The following ME1 variants were observed in gnomAD, a reference collection of about 807,000 sequenced individuals.
ME1 encodes malic enzyme 1.
Under a neutral mutation model 66.4 loss-of-function variants are expected in ME1, and 74 were observed. The observed-to-expected ratio is 1.11, with a 90% CI of 0.92 to 1.35. ME1 has a LOEUF of 1.35. Among genes scored for constraint, ME1 ranks in the 40% most tolerant of loss-of-function variants. The pLI is 0.00. For synonymous variants in ME1, 251 were observed against 235.6 expected (o/e 1.07, Z -0.60); for missense variants, 750 against 694.1 (o/e 1.08, Z -0.90).
intron 6 of ME1, among the ~76,000 whole-genome samples, chr6:83,271,022 TAAA>T (rs574960807): frequency 4.2e-5 from 5 of 120,184 alleles, no homozygotes; most frequent in Non-Finnish European, 7.3e-5. Context: ...GGTGAAGGAG[TAAA>T]AAAAAAAAAA....
chr6:83,426,659 G>A (rs1770375532), intron 1 of ME1, among the ~76,000 whole-genome samples: 1 of 152,168 alleles, frequency 6.6e-6, no homozygotes, highest in Non-Finnish European at 1.5e-5. Flanking sequence ...GTCATGCCAG[G>A]AAACAAACAG....
intron 5 of ME1, among the ~76,000 whole-genome samples, chr6:83,323,049 C>A (rs1474597813): frequency 6.6e-6 from 1 of 152,096 alleles, no homozygotes; most frequent in Non-Finnish European, 1.5e-5. Context: ...CATATACAGC[C>A]AAGATAAGCT....
intron 6 of ME1, among the ~76,000 whole-genome samples, chr6:83,302,918 T>C (rs1767754431): frequency 6.6e-6 from 1 of 152,158 alleles, no homozygotes. Context: ...GGTAAGTTCC[T>C]GAATACTTAT....
chr6:83,431,004 G>A lies in ME1; in HGVS notation c.-50C>T, dbSNP rs1238558664. On this transcript the variant is annotated 5_prime_UTR_variant, in exon 1 of 14. Transcript: ENST00000369705. ...GGTCAGGCCGGGGCGGGCCGCACGCGCGGTGCAGGCGGCGGATGCTGCTGG... is the reference window on the plus strand; with the variant it reads ...GGTCAGGCCGGGGCGGGCCGCACGCACGGTGCAGGCGGCGGATGCTGCTGG... 1.6e-6 allele frequency: 2 copies of A among 1,219,812 alleles called. No individual in the cohort carries two copies. Among genetic ancestry groups the A allele is most frequent in the East Asian group, 6.0e-5 (2 of 33,360 alleles). 75.6% of individuals were successfully genotyped at this position (1,219,812 alleles called of 1,614,324 possible).
At position 83,211,994 on chromosome 6, in the gene ME1, T is replaced by A. The variant is rs776506743; in HGVS notation, c.1649A>T (p.Asp550Val). 4.3e-6 allele frequency: 7 copies of A among 1,611,734 alleles called. No individual in the cohort carries two copies. The highest frequency in any genetic ancestry group is 5.9e-6 in the Non-Finnish European group (7 of 1,178,640). Residue 550 changes from aspartate (D) to valine (V), a missense_variant, in exon 14 of 14, where the codon GAC (aspartate) becomes GTC (valine). Transcript: ENST00000369705. ...AGAATAACAATCAGGTAGAATCTGGTCATAATCAGTACTATACATCTGGGA... is the reference window on the plus strand; with the variant it reads ...AGAATAACAATCAGGTAGAATCTGGACATAATCAGTACTATACATCTGGGA... ...VRSQMYSTDY[D>V]QILPDCYSWP...
chr6:83,426,338 C>T (rs1770370317), intron 1 of ME1, among the ~76,000 whole-genome samples: 2 of 152,190 alleles, frequency 1.3e-5, no homozygotes, highest in African/African-American at 2.4e-5. Flanking sequence ...ACTCACCTTT[C>T]TTATTACAGC....
intron 3 of ME1, among the ~76,000 whole-genome samples, chr6:83,357,931 CTCTCTATATATATATATATA>C (rs1330944142): frequency 1.9e-5 from 1 of 51,758 alleles, no homozygotes; most frequent in African/African-American, 6.5e-5. Flanking sequence ...CTCTCTCTCT[CTCTCTATATATATATATATA>C]TATATATATA....
At chr6:83,254,088 C>A (rs1478035430) in intron 6 of ME1, among the ~76,000 whole-genome samples, 1 of 152,108 alleles carries the variant, frequency 6.6e-6, no homozygotes, top group Non-Finnish European at 1.5e-5. Flanking sequence ...GATATCACTT[C>A]TGGCTGTGAT....
At chr6:83,382,687 A>C (rs1210001369) in intron 3 of ME1, among the ~76,000 whole-genome samples, 1 of 152,086 alleles carries the variant, frequency 6.6e-6, no homozygotes, top group East Asian at 1.9e-4. Context: ...AAATCAGAAC[A>C]CATATTAATC....
chr6:83,415,218 TAGA>T (rs1770136262), intron 1 of ME1, among the ~76,000 whole-genome samples: 1 of 152,220 alleles, frequency 6.6e-6, no homozygotes, highest in African/African-American at 2.4e-5. Flanking sequence ...TTCAAGCTAA[TAGA>T]AGAATCTGCA....
intron 6 of ME1, among the ~76,000 whole-genome samples, chr6:83,268,779 A>G (rs1212469564): frequency 7.1e-6 from 1 of 141,376 alleles, no homozygotes; most frequent in Non-Finnish European, 1.5e-5. Flanking sequence ...TTTGGTAGAG[A>G]TGGGGTTTCA....
chr6:83,333,782 C>T (rs1376737407), intron 5 of ME1, among the ~76,000 whole-genome samples: 3 of 151,964 alleles, frequency 2.0e-5, no homozygotes, highest in Admixed American at 6.6e-5. Context: ...AAATTAAGGG[C>T]AAATTGAGTC....
intron 11 of ME1, among the ~76,000 whole-genome samples, chr6:83,226,407 G>C (rs1790199537): frequency 6.6e-6 from 1 of 152,112 alleles, no homozygotes; most frequent in South Asian, 2.1e-4. Context: ...ATGATGCTAA[G>C]ACTTGGTTGT....
At chr6:83,372,464 G>A (rs1452371337) in intron 3 of ME1, among the ~76,000 whole-genome samples, 1 of 152,160 alleles carries the variant, frequency 6.6e-6, no homozygotes, top group African/African-American at 2.4e-5. Flanking sequence ...AAGACCTAGT[G>A]TGGTTCTCCA....
At chr6:83,304,221 A>C (rs1054414034) in intron 6 of ME1, among the ~76,000 whole-genome samples, 11 of 152,074 alleles carry the variant, frequency 7.2e-5, no homozygotes, top group Non-Finnish European at 1.3e-4. Context: ...TAGTTGGTGG[A>C]GCTGAGGATT....
At chr6:83,359,178 A>G (rs1768957613) in intron 3 of ME1, among the ~76,000 whole-genome samples, 1 of 151,362 alleles carries the variant, frequency 6.6e-6, no homozygotes, top group Non-Finnish European at 1.5e-5. Context: ...GGGCAGAGGC[A>G]CTCTTCACAT....
chr6:83,346,363 A>G, intron 4 of ME1, 29 bp from the exon 5 acceptor site: 1 of 1,519,460 alleles, frequency 6.6e-7, no homozygotes, highest in South Asian at 1.3e-5. Flanking sequence ...TTACCTATTA[A>G]CAAGTTTTCA....
chr6:83,345,891 G>C (rs1768675539), intron 5 of ME1, among the ~76,000 whole-genome samples: 1 of 152,070 alleles, frequency 6.6e-6, no homozygotes, highest in South Asian at 2.1e-4. Context: ...TAAAACTATT[G>C]CCTTAAAGTA....
intron 2 of ME1, among the ~76,000 whole-genome samples, chr6:83,399,328 GAACCATA>G (rs1456073000): frequency 6.6e-6 from 1 of 152,062 alleles, no homozygotes; most frequent in African/African-American, 2.4e-5. Flanking sequence ...AAAGAATAAA[GAACCATA>G]AACTTAACTA....
Sources: gnomAD v4.1 joint callset for allele counts (sites outside exome capture counted in the v4.1 genomes callset) on GRCh38, gnomAD v4.1.1 for gene constraint, MANE v1.5 for transcripts, NCBI Gene and HGNC (gene_info 2026-07-23, HGNC 2026-07-21) for gene names.